Variants in RASGEF1A observed in about 807,000 individuals in gnomAD.
The protein encoded by RASGEF1A is ras-GEF domain-containing family member 1A.
In RASGEF1A, 18 loss-of-function variants were observed where a neutral mutation model predicts 56.4. That is an observed-to-expected ratio of 0.32 (90% CI 0.22 to 0.47). RASGEF1A has a LOEUF of 0.47. Ranked by LOEUF, RASGEF1A falls within the 20% of genes least tolerant of loss-of-function variation. The probability of loss-of-function intolerance (pLI) is 1.00; values close to 1 mark genes in which losing one functional copy is unlikely to be tolerated. For synonymous variants in RASGEF1A, 245 were observed against 242.6 expected, an observed-to-expected ratio of 1.01 and a Z score of -0.09; for missense variants, 422 against 627.1, an observed-to-expected ratio of 0.67 and a Z score of 3.49.
chr10:43,258,949 C>T (rs946322832), intron 1 of RASGEF1A, among the ~76,000 whole-genome samples: 1 of 152,200 alleles, frequency 6.6e-6, no homozygotes, highest in African/African-American at 2.4e-5. Flanking sequence ...ACTCCCCGGC[C>T]AGTGCTCCCC....
chr10:43,231,822 CCTG>C (rs1248875390), intron 1 of RASGEF1A, among the ~76,000 whole-genome samples: 1 of 152,282 alleles, frequency 6.6e-6, no homozygotes, highest in African/African-American at 2.4e-5. Context: ...CTGAGGCTGT[CCTG>C]CAGGGAGGGC....
intron 1 of RASGEF1A, among the ~76,000 whole-genome samples, chr10:43,254,199 G>A (rs752753127): frequency 2.0e-5 from 3 of 152,230 alleles, no homozygotes; most frequent in Non-Finnish European, 4.4e-5. Flanking sequence ...ACACTTCAGG[G>A]AGGGCGGGAG....
At chr10:43,199,057 T>C (rs1839848685) in intron 8 of RASGEF1A, 35 bp downstream of exon 8, 1 of 1,608,180 alleles carries the variant, frequency 6.2e-7, no homozygotes, top group Non-Finnish European at 8.5e-7. Context: ...GGGTGGGCCA[T>C]GCAGCAGCCC....
chr10:43,251,791 G>A (rs1182744555), intron 1 of RASGEF1A, among the ~76,000 whole-genome samples: 1 of 152,202 alleles, frequency 6.6e-6, no homozygotes, highest in Non-Finnish European at 1.5e-5. Context: ...ACCCCTCCAG[G>A]ACTGTGAGGG....
At chr10:43,221,462 C>T (rs1840206821) in intron 1 of RASGEF1A, among the ~76,000 whole-genome samples, 1 of 152,196 alleles carries the variant, frequency 6.6e-6, no homozygotes, top group South Asian at 2.1e-4. Flanking sequence ...GCCCAAAGGG[C>T]CTCAGTCACC....
At chr10:43,246,050 T>C (rs146548835) in intron 1 of RASGEF1A, among the ~76,000 whole-genome samples, 2 of 152,110 alleles carry the variant, frequency 1.3e-5, no homozygotes, top group African/African-American at 4.8e-5. Flanking sequence ...CTATTAGAAC[T>C]AATAAATAAA....
chr10:43,196,241 G>T lies in RASGEF1A; in HGVS notation c.*3C>A, dbSNP rs963583398. ...TCCTCTGGCGTCGCGGGCTGCATCC[G>T]CCTCAGGCTCTGTTCAGAAGGGTGG... On this transcript the variant is annotated 3_prime_UTR_variant, in exon 13 of 13. Transcript: ENST00000395810. The surrounding 1 kb of genome is among the most constrained non-coding windows in gnomAD (Gnocchi z 4.6). 3 of 1,612,800 alleles carry T rather than the reference G, an allele frequency of 1.9e-6. No homozygotes were observed. The Admixed American group carries it at 5.0e-5, about 27-fold the overall frequency.
intron 1 of RASGEF1A, among the ~76,000 whole-genome samples, chr10:43,266,465 C>T (rs1836625546): frequency 6.6e-6 from 1 of 151,886 alleles, no homozygotes; most frequent in Non-Finnish European, 1.5e-5. Flanking sequence ...ATTCCCCAGC[C>T]CCCACCCCCA....
chr10:43,197,913 A>G (rs1839825690), intron 10 of RASGEF1A, 91 bp downstream of exon 10: 2 of 1,147,354 alleles, frequency 1.7e-6, no homozygotes, highest in Non-Finnish European at 2.5e-6. Flanking sequence ...GGCTCAGGAA[A>G]CCCACAGATC....
intron 1 of RASGEF1A, among the ~76,000 whole-genome samples, chr10:43,222,049 AG>A (rs1467138431): frequency 6.6e-6 from 1 of 152,220 alleles, no homozygotes. Context: ...TACACAGACC[AG>A]GATGGCACAG....
intron 1 of RASGEF1A, among the ~76,000 whole-genome samples, chr10:43,266,006 G>A (rs1483840185): frequency 6.6e-6 from 1 of 152,244 alleles, no homozygotes; most frequent in Non-Finnish European, 1.5e-5. Flanking sequence ...GCTCTGAGCA[G>A]GGAGGGAGGG....
rs1839771007 is a variant in RASGEF1A, at chr10:43,194,690, GAC to G, written c.*1552_*1553del. 6.6e-6 allele frequency: 1 copy of G among 152,316 alleles called. No homozygotes were observed. Among genetic ancestry groups the G allele is most frequent in the Non-Finnish European group, 1.5e-5 (1 of 68,060 alleles). 9.4% of individuals were successfully genotyped at this position (152,316 alleles called of 1,614,324 possible). A position where few individuals can be genotyped will look rare whatever the true frequency, so the allele number is the denominator to read the frequency against. On this transcript the variant is annotated 3_prime_UTR_variant, in exon 13 of 13. Coordinates refer to ENST00000395810, the MANE Select transcript of RASGEF1A (RefSeq NM_145313.4). The stretch of plus-strand genomic sequence containing the variant: ...AATTGGGAAAATAAAGTAGCAGACA[GAC>G]ACTGTTTCAAGTAGGTACTAGAACT...
chr10:43,197,628 T>C (rs1436681634), intron 10 of RASGEF1A, among the ~76,000 whole-genome samples: 1 of 152,184 alleles, frequency 6.6e-6, no homozygotes, highest in Non-Finnish European at 1.5e-5. Flanking sequence ...CACTTCCATC[T>C]AGAATTCTCT....
At chr10:43,239,002 T>C (rs1215181653) in intron 1 of RASGEF1A, among the ~76,000 whole-genome samples, 1 of 152,228 alleles carries the variant, frequency 6.6e-6, no homozygotes, top group African/African-American at 2.4e-5. Context: ...GAAGGGGTAT[T>C]ATTCATTCTA....
chr10:43,216,474 G>A (rs779610243), intron 1 of RASGEF1A, among the ~76,000 whole-genome samples: 1 of 152,230 alleles, frequency 6.6e-6, no homozygotes, highest in Non-Finnish European at 1.5e-5. Flanking sequence ...TAAGTGAAGT[G>A]CTTGTTTGAG....
chr10:43,202,750 C>A, intron 3 of RASGEF1A: 2 of 466,016 alleles, frequency 4.3e-6, no homozygotes, highest in Non-Finnish European at 8.8e-6. Context: ...AGGCCCCCCA[C>A]CACCCGCTCC....
chr10:43,229,249 C>G (rs1840325647), intron 1 of RASGEF1A, among the ~76,000 whole-genome samples: 1 of 152,160 alleles, frequency 6.6e-6, no homozygotes, highest in Admixed American at 6.5e-5. Flanking sequence ...CCGCAGCCCT[C>G]CCCCGCCTGC....
intron 2 of RASGEF1A, among the ~76,000 whole-genome samples, chr10:43,205,230 TA>T (rs1839976404): frequency 6.6e-6 from 1 of 151,850 alleles, no homozygotes; most frequent in African/African-American, 2.4e-5. Context: ...TCCCAGAGGG[TA>T]GATGCTCAGC....
intron 1 of RASGEF1A, among the ~76,000 whole-genome samples, chr10:43,243,617 G>A (rs962627308): frequency 1.4e-5 from 2 of 148,052 alleles, no homozygotes; most frequent in Admixed American, 1.3e-4. Context: ...GAGGTGAGGG[G>A]CGTCTCTGCC....
Sources: allele counts gnomAD v4.1 joint callset (sites outside exome capture counted in the v4.1 genomes callset), GRCh38; gene constraint gnomAD v4.1.1; non-coding constraint Gnocchi (gnomAD v3.1); transcripts MANE v1.5; gene names NCBI Gene and HGNC (gene_info 2026-07-23, HGNC 2026-07-21).